The following GALNT18 variants were observed in gnomAD, a reference collection of about 807,000 sequenced individuals.
GALNT18 encodes the protein polypeptide N-acetylgalactosaminyltransferase 18, also known as GalNAc-transferase 18.
Under a neutral mutation model 69.5 loss-of-function variants are expected in GALNT18, and 44 were observed. The observed-to-expected ratio is 0.63, with a 90% confidence interval of 0.50 to 0.81. GALNT18 has a LOEUF of 0.81. Ranked by LOEUF, GALNT18 falls within the 40% of genes least tolerant of loss-of-function variation. The probability of loss-of-function intolerance (pLI) is 0.00; values close to 1 mark genes in which losing one functional copy is unlikely to be tolerated. For missense variants in GALNT18, 715 were observed against 810.0 expected, an observed-to-expected ratio of 0.88 and a Z score of 1.42; for synonymous variants, 364 against 318.2, an observed-to-expected ratio of 1.14 and a Z score of -1.53.
chr11:11,352,048 C>A lies in GALNT18; in HGVS notation c.1093-11044G>T, dbSNP rs138837005. On this transcript the variant is annotated intron_variant, in intron 6 of 10. Coordinates refer to ENST00000227756, the MANE Select transcript of GALNT18 (RefSeq NM_198516.3). Reference sequence around the variant, plus strand: ...GGTCCAAGGGGTGAAGGAGTTGGCACTGAAGAAATCCCTGACATCACATTG... The same window carrying A: ...GGTCCAAGGGGTGAAGGAGTTGGCAATGAAGAAATCCCTGACATCACATTG... 138 of 1,613,750 alleles carry A rather than the reference C, an allele frequency of 8.6e-5. No homozygotes were observed. The African/African-American group carries it at 1.5e-3, about 18-fold the overall frequency.
At chr11:11,371,294 T>G (rs1034975524) in intron 6 of GALNT18, among the ~76,000 whole-genome samples, 1 of 152,182 alleles carries the variant, frequency 6.6e-6, no homozygotes, top group Non-Finnish European at 1.5e-5. Flanking sequence ...GCAAGGGCCG[T>G]CCAGGGCCAG....
chr11:11,452,423 A>G (rs533105457), intron 1 of GALNT18, among the ~76,000 whole-genome samples: 1 of 152,360 alleles, frequency 6.6e-6, no homozygotes, highest in African/African-American at 2.4e-5. Flanking sequence ...TAAGCTCTCC[A>G]TAAACACTGC....
At chr11:11,292,972 C>T in intron 10 of GALNT18, 57 bp downstream of exon 10, 1 of 1,329,542 alleles carries the variant, frequency 7.5e-7, no homozygotes, top group South Asian at 2.6e-5. Flanking sequence ...GCCCCTGAGG[C>T]CACTCTCCTG....
chr11:11,324,700 AT>A lies in GALNT18; in HGVS notation c.1512+2385del, dbSNP rs547770726. Among the ~76,000 whole-genome samples, 57 of 150,862 alleles carry A rather than the reference AT, an allele frequency of 3.8e-4. 4 individuals carry two copies. The South Asian group carries it at 0.012, about 30-fold the overall frequency. On this transcript the variant is annotated intron_variant, in intron 9 of 10. Coordinates refer to ENST00000227756, the MANE Select transcript of GALNT18 (RefSeq NM_198516.3). ...TCATATGTTTGTTAGCTGTTTGTAT[AT>A]TTCTTTTGAGAATTGTCTATTCATG...
intron 1 of GALNT18, among the ~76,000 whole-genome samples, chr11:11,574,405 G>T (rs925586967): frequency 1.3e-5 from 2 of 152,182 alleles, no homozygotes; most frequent in African/African-American, 4.8e-5. Context: ...CATCTCCCTG[G>T]TCTGGACTTA....
chr11:11,455,721 T>C lies in GALNT18; in HGVS notation c.236-6785A>G, dbSNP rs78973019. The stretch of plus-strand genomic sequence containing the variant: ...TCTGAAAGCCTTGGGATTAGCGTTA[T>C]TATTTGGAAATAGTTTCTGAACCTA... On this transcript the variant is annotated intron_variant, in intron 1 of 10. Coordinates refer to ENST00000227756, the MANE Select transcript of GALNT18 (RefSeq NM_198516.3). Among the ~76,000 whole-genome samples the C allele has an allele frequency of 1.3e-3, 191 of 152,270 alleles. 2 individuals carry two copies. The highest frequency in any genetic ancestry group is 0.011 in the Admixed American group (168 of 15,296).
chr11:11,496,213 T>C lies in GALNT18; in HGVS notation c.236-47277A>G, dbSNP rs1020765917. ...TAACTTAAAGGGCTGGTTTAGAATA[T>C]AGCAATAGAGTTTTGATGATCTGCT... On this transcript the variant is annotated intron_variant, in intron 1 of 10. Transcript: ENST00000227756. This position sits in a 1 kb window ranked among gnomAD's most constrained non-coding sequence, Gnocchi z 4.0. Among the ~76,000 whole-genome samples, 1 of 152,248 alleles carries C rather than the reference T, an allele frequency of 6.6e-6. No homozygotes were observed. The highest frequency in any genetic ancestry group is 2.4e-5 in the African/African-American group (1 of 41,476).
chr11:11,487,460 C>T (rs1207651275), intron 1 of GALNT18, among the ~76,000 whole-genome samples: 15 of 152,174 alleles, frequency 9.9e-5, no homozygotes, highest in Admixed American at 9.8e-4. Flanking sequence ...ATTGCATCCA[C>T]ATTATTTAGT....
chr11:11,442,359 G>A (rs961022355), intron 2 of GALNT18, among the ~76,000 whole-genome samples: 5 of 152,056 alleles, frequency 3.3e-5, no homozygotes, highest in East Asian at 1.9e-4. Flanking sequence ...TCGTTCCATC[G>A]GCAACCATAG....
At chr11:11,457,063 G>A (rs941884865) in intron 1 of GALNT18, among the ~76,000 whole-genome samples, 4 of 152,348 alleles carry the variant, frequency 2.6e-5, no homozygotes, top group African/African-American at 7.2e-5. Flanking sequence ...ACATCTGGAG[G>A]CCCTGCCAAG....
intron 9 of GALNT18, among the ~76,000 whole-genome samples, chr11:11,321,942 G>A (rs1455511727): frequency 6.6e-6 from 1 of 152,230 alleles, no homozygotes; most frequent in Non-Finnish European, 1.5e-5. Context: ...CCCCATGGCA[G>A]ATGGCACCAT....
At chr11:11,288,429 G>C (rs189300996) in intron 10 of GALNT18, among the ~76,000 whole-genome samples, 2 of 152,294 alleles carry the variant, frequency 1.3e-5, no homozygotes, top group East Asian at 3.9e-4. Context: ...CCATCTCTGA[G>C]TTCTGCAGAC....
chr11:11,274,311 C>T (rs1043569348), intron 10 of GALNT18, among the ~76,000 whole-genome samples: 6 of 152,112 alleles, frequency 3.9e-5, no homozygotes, highest in African/African-American at 1.4e-4. Context: ...TTCTCAATAC[C>T]CCAGTGGCAC....
intron 1 of GALNT18, among the ~76,000 whole-genome samples, chr11:11,452,753 C>A (rs987206674): frequency 1.3e-5 from 2 of 152,182 alleles, no homozygotes; most frequent in African/African-American, 2.4e-5. Flanking sequence ...TGGTGATACC[C>A]AGACCCTCTG....
chr11:11,391,013 A>G (rs149918860), intron 3 of GALNT18, among the ~76,000 whole-genome samples: 1 of 152,322 alleles, frequency 6.6e-6, no homozygotes, highest in East Asian at 1.9e-4. Flanking sequence ...CCTGCTCATC[A>G]GTCTGAACTC....
rs917235461 is a variant in GALNT18 at position 11,444,525 on chromosome 11, C to T, written c.428+4219G>A. On this transcript the variant is annotated intron_variant, in intron 2 of 10. Transcript: ENST00000227756. This position sits in a 1 kb window ranked among gnomAD's most constrained non-coding sequence, Gnocchi z 4.4. ...TGGCTGGATAAAAAAATAAACGAGG[C>T]CTAGCAACTGGCTGGACCGATGTTT... Among the ~76,000 whole-genome samples, 9 of 152,136 alleles carry T rather than the reference C, an allele frequency of 5.9e-5. No homozygotes were observed. Among genetic ancestry groups the T allele is most frequent in the Non-Finnish European group, 8.8e-5 (6 of 68,036 alleles).
intron 3 of GALNT18, among the ~76,000 whole-genome samples, chr11:11,399,875 T>C (rs1421328344): frequency 6.6e-6 from 1 of 152,256 alleles, no homozygotes; most frequent in Non-Finnish European, 1.5e-5. Flanking sequence ...GCACTTACTA[T>C]GTGTTAAATA....
intron 3 of GALNT18, among the ~76,000 whole-genome samples, chr11:11,408,583 A>C (rs370424637): frequency 1.3e-5 from 2 of 151,794 alleles, no homozygotes; most frequent in East Asian, 3.9e-4. Context: ...CTACTCTCCC[A>C]CTTAAACAAA....
chr11:11,281,689 C>T (rs1390870780), intron 10 of GALNT18, among the ~76,000 whole-genome samples: 1 of 152,106 alleles, frequency 6.6e-6, no homozygotes, highest in Non-Finnish European at 1.5e-5. Context: ...TCAGAGACTC[C>T]CATCTGATGT....
Sources: gnomAD v4.1 joint callset for allele counts (sites outside exome capture counted in the v4.1 genomes callset) on GRCh38, gnomAD v4.1.1 for gene constraint, Gnocchi (gnomAD v3.1) non-coding constraint, MANE v1.5 for transcripts, NCBI Gene and HGNC (gene_info 2026-07-23, HGNC 2026-07-21) for gene names.